Variants in IL17RD observed in about 807,000 individuals in gnomAD.
IL17RD encodes interleukin 17 receptor D, also known as interleukin-17 receptor D.
Under a neutral mutation model 80.5 loss-of-function variants are expected in IL17RD, and 52 were observed. The observed-to-expected ratio is 0.65, with a 90% CI of 0.52 to 0.81. The LOEUF is 0.81. Among genes scored for constraint, IL17RD ranks in the 40% least tolerant of loss-of-function variants. The pLI, the probability that IL17RD is intolerant of heterozygous loss-of-function variation, is 0.00. For synonymous variants in IL17RD, 416 were observed against 391.8 expected (o/e 1.06, Z -0.73); for missense variants, 1,024 against 955.1 (o/e 1.07, Z -0.95).
intron 1 of IL17RD, among the ~76,000 whole-genome samples, chr3:57,122,008 T>A (rs1707351985): frequency 6.6e-6 from 1 of 152,186 alleles, no homozygotes; most frequent in African/African-American, 2.4e-5. Flanking sequence ...CAAAGAAGAT[T>A]AACTGGGTAG....
In IL17RD at chr3:57,095,648, T is replaced by C. The variant is rs1308006091; in HGVS notation, c.*745A>G. 1 of 152,218 alleles carries C rather than the reference T, an allele frequency of 6.6e-6. No homozygotes were observed. The highest frequency in any genetic ancestry group is 1.5e-5 in the Non-Finnish European group (1 of 68,098). The allele number at this position is 152,218 out of a possible 1,614,324, so 9.4% of individuals were successfully genotyped here. On this transcript the variant is annotated 3_prime_UTR_variant, in exon 13 of 13. Coordinates refer to ENST00000296318, the MANE Select transcript of IL17RD (RefSeq NM_017563.5). ...ACAGCAGGCAGATCTGGCCCCCACATGATGCCTACTCAGACCAAGAGGAGG... is the reference window on the plus strand; with the variant it reads ...ACAGCAGGCAGATCTGGCCCCCACACGATGCCTACTCAGACCAAGAGGAGG...
intron 11 of IL17RD, among the ~76,000 whole-genome samples, chr3:57,099,569 A>G (rs1706780575): frequency 6.6e-6 from 1 of 152,218 alleles, no homozygotes. Context: ...GATGTTACCA[A>G]TGGGGAAAAA....
At position 57,096,503 on chromosome 3, in the gene IL17RD, C is replaced by T. The variant is rs1047237349; in HGVS notation, c.2110G>A (p.Glu704Lys). 1.3e-6 allele frequency: 2 copies of T among 1,599,638 alleles called. No individual in the cohort carries two copies. Among genetic ancestry groups the T allele is most frequent in the Non-Finnish European group, 1.7e-6 (2 of 1,166,816 alleles). ...ESVSSSSGLGEEEPPALPSKL... is the reference protein window; with the variant it reads ...ESVSSSSGLGKEEPPALPSKL... ...GAAGGAAGGGCAGGAGGTTCCTCCT[C>T]ACCTAAGGAGAGAAGAGAGTACAGA... is the stretch of plus-strand genomic sequence containing the variant. The change falls in exon 13 of 13, where the codon GAG becomes AAG. Residue 704 changes from glutamate to lysine, a missense_variant and splice_region_variant. Coordinates refer to ENST00000296318, the MANE Select transcript of IL17RD (RefSeq NM_017563.5).
chr3:57,102,616 T>A, intron 9 of IL17RD, 27 bp from the exon 10 acceptor site: 1 of 1,248,718 alleles, frequency 8.0e-7, no homozygotes, highest in Non-Finnish European at 1.1e-6. Flanking sequence ...GGAAAGTTTT[T>A]AAACTTAAGC....
intron 1 of IL17RD, among the ~76,000 whole-genome samples, chr3:57,160,261 TA>T (rs1417512157): frequency 6.6e-6 from 1 of 151,208 alleles, no homozygotes; most frequent in Non-Finnish European, 1.5e-5. Flanking sequence ...GGGCACAGTA[TA>T]TAAAAAGTTC....
chr3:57,144,884 G>A (rs1458021470), intron 1 of IL17RD, among the ~76,000 whole-genome samples: 2 of 152,194 alleles, frequency 1.3e-5, no homozygotes, highest in Non-Finnish European at 2.9e-5. Flanking sequence ...TCCCAGGAAG[G>A]AGTCATTTTT....
upstream of IL17RD, chr3:57,169,323 A>G: frequency 2.0e-6 from 1 of 493,742 alleles, no homozygotes; most frequent in Non-Finnish European, 4.1e-6. Context: ...CTCTGCCCCC[A>G]TGCCTAGCAC....
At chr3:57,133,299 A>G (rs1579298023) in intron 1 of IL17RD, among the ~76,000 whole-genome samples, 1 of 152,224 alleles carries the variant, frequency 6.6e-6, no homozygotes, top group Non-Finnish European at 1.5e-5. Flanking sequence ...TCGTCCTACT[A>G]TTTGGATGGA....
intron 5 of IL17RD, among the ~76,000 whole-genome samples, chr3:57,107,459 G>C (rs1355672185): frequency 6.6e-6 from 1 of 152,138 alleles, no homozygotes; most frequent in Non-Finnish European, 1.5e-5. Context: ...ATTCTGCAGA[G>C]GGAAACATTG....
chr3:57,113,746 T>C (rs1025267978), intron 3 of IL17RD, among the ~76,000 whole-genome samples: 1 of 152,038 alleles, frequency 6.6e-6, no homozygotes, highest in African/African-American at 2.4e-5. Flanking sequence ...TCTCACTTTG[T>C]TGCCCAGGCT....
chr3:57,165,045 C>T, intron 1 of IL17RD, 116 bp downstream of exon 1: 1 of 1,357,828 alleles, frequency 7.4e-7, no homozygotes, highest in Non-Finnish European at 9.4e-7. Flanking sequence ...CCAGGCCGGC[C>T]GCGGACCCCG....
chr3:57,142,274 G>A (rs974245755), intron 1 of IL17RD, among the ~76,000 whole-genome samples: 1 of 152,194 alleles, frequency 6.6e-6, no homozygotes, highest in Non-Finnish European at 1.5e-5. Context: ...AAAAATGGGA[G>A]CCAATACATT....
chr3:57,143,330 TCC>T (rs1386770470), intron 1 of IL17RD, among the ~76,000 whole-genome samples: 1 of 151,182 alleles, frequency 6.6e-6, no homozygotes, highest in Admixed American at 6.6e-5. Context: ...GGGACCTATC[TCC>T]ACTCTACCTT....
chr3:57,158,062 G>A (rs1420407015), intron 1 of IL17RD, among the ~76,000 whole-genome samples: 1 of 152,176 alleles, frequency 6.6e-6, no homozygotes, highest in Non-Finnish European at 1.5e-5. Flanking sequence ...GGATTCATAT[G>A]AAGTATTCAT....
intron 1 of IL17RD, among the ~76,000 whole-genome samples, chr3:57,148,647 G>A (rs913430771): frequency 7.2e-5 from 11 of 152,168 alleles, no homozygotes; most frequent in African/African-American, 2.4e-4. Flanking sequence ...TCGAGGAGGT[G>A]GGTTTAGGAG....
At chr3:57,137,128 A>G (rs905332924) in intron 1 of IL17RD, among the ~76,000 whole-genome samples, 1 of 152,226 alleles carries the variant, frequency 6.6e-6, no homozygotes, top group African/African-American at 2.4e-5. Flanking sequence ...TGCCCAACAC[A>G]TGGTAAGCAT....
chr3:57,121,625 A>G (rs1434758977), intron 1 of IL17RD, among the ~76,000 whole-genome samples: 1 of 152,178 alleles, frequency 6.6e-6, no homozygotes, highest in African/African-American at 2.4e-5. Flanking sequence ...TCTTCCCCAC[A>G]TATACAAGAT....
chr3:57,160,630 C>T (rs1027726418), intron 1 of IL17RD, among the ~76,000 whole-genome samples: 4 of 152,118 alleles, frequency 2.6e-5, no homozygotes, highest in Non-Finnish European at 5.9e-5. Flanking sequence ...CCCCTTTTAT[C>T]GGTCAGGGCT....
intron 1 of IL17RD, among the ~76,000 whole-genome samples, chr3:57,128,975 T>C (rs1221134650): frequency 6.6e-6 from 1 of 152,174 alleles, no homozygotes; most frequent in Non-Finnish European, 1.5e-5. Context: ...ATTGTTCCAT[T>C]TTTCCAATTC....
Sources: allele counts gnomAD v4.1 joint callset (sites outside exome capture counted in the v4.1 genomes callset), GRCh38; gene constraint gnomAD v4.1.1; transcripts MANE v1.5; gene names NCBI Gene and HGNC (gene_info 2026-07-23, HGNC 2026-07-21).